Variants in ERC1 observed in about 807,000 individuals in gnomAD.
ERC1 encodes the protein ELKS/RAB6-interacting/CAST family member 1.
A neutral mutation model predicts 132.0 loss-of-function variants in ERC1; 56 were observed. The observed-to-expected ratio is 0.42, with a 90% CI of 0.34 to 0.53. The LOEUF is 0.53. Among genes scored for constraint, ERC1 ranks in the 20% least tolerant of loss-of-function variants. The pLI is 0.03. For missense variants in ERC1, 1,202 were observed against 1,349.9 expected, an observed-to-expected ratio of 0.89 and a Z score of 1.72; for synonymous variants, 478 against 476.1, an observed-to-expected ratio of 1.00 and a Z score of -0.05.
chr12:1,424,856 A>C (rs78495647), intron 17 of ERC1, among the ~76,000 whole-genome samples: 7,783 of 105,316 alleles, frequency 0.074, 224 homozygotes, highest in East Asian at 0.097. Context: ...ATAGATAGAT[A>C]GATAGATCGA....
intron 16 of ERC1, among the ~76,000 whole-genome samples, chr12:1,396,389 A>G (rs1220716242): frequency 6.6e-6 from 1 of 152,226 alleles, no homozygotes; most frequent in Non-Finnish European, 1.5e-5. Context: ...TGCACCAATC[A>G]TGGAAAATTG....
At chr12:1,074,071 C>A (rs1406823822) in intron 2 of ERC1, among the ~76,000 whole-genome samples, 1 of 151,804 alleles carries the variant, frequency 6.6e-6, no homozygotes, top group African/African-American at 2.4e-5. Flanking sequence ...ACCATGATGG[C>A]CAGGATGGTC....
At chr12:1,373,789 GAAGAAAAGA>G (rs756434244) in intron 16 of ERC1, among the ~76,000 whole-genome samples, 1 of 145,310 alleles carries the variant, frequency 6.9e-6, no homozygotes, top group Non-Finnish European at 1.5e-5. Flanking sequence ...AAAAGAAAAA[GAAGAAAAGA>G]AAGAAAAGAA....
intron 15 of ERC1, among the ~76,000 whole-genome samples, chr12:1,297,657 A>G (rs1206642163): frequency 6.6e-6 from 1 of 150,632 alleles, no homozygotes. Context: ...TAGTAAGCCA[A>G]GATCACACCA....
At chr12:991,500 G>C (rs1959223383) in intron 1 of ERC1, 178 bp downstream of exon 1, 1 of 152,102 alleles carries the variant, frequency 6.6e-6, no homozygotes, top group Admixed American at 6.6e-5. Flanking sequence ...GAGGCTTCGC[G>C]ACCCCCTCCC....
chr12:1,118,669 G>A (rs1366575766), intron 7 of ERC1, among the ~76,000 whole-genome samples: 1 of 152,200 alleles, frequency 6.6e-6, no homozygotes, highest in Non-Finnish European at 1.5e-5. Context: ...CACTTGACAA[G>A]AGTCACCTTT....
In ERC1 at chr12:1,492,631, C is replaced by A. The variant is rs2094327382; in HGVS notation, c.*2401C>A. 2 of 233,088 alleles carry A rather than the reference C, an allele frequency of 8.6e-6. No individual in the cohort carries two copies. Among genetic ancestry groups the A allele is most frequent in the African/African-American group, 4.4e-5 (2 of 45,354 alleles). 14.4% of individuals were successfully genotyped at this position (233,088 alleles called of 1,614,324 possible). ...GGATGGAAGGAAGCCCTCTGTGACA[C>A]TGCTTCTGAGAAGAAGCATTTCCGG... is the stretch of plus-strand genomic sequence containing the variant. On this transcript the variant is annotated 3_prime_UTR_variant, in exon 19 of 19. Coordinates refer to ENST00000360905, the MANE Select transcript of ERC1 (RefSeq NM_178040.4).
At chr12:1,192,262 A>C (rs1206362885) in intron 12 of ERC1, among the ~76,000 whole-genome samples, 1 of 152,222 alleles carries the variant, frequency 6.6e-6, no homozygotes, top group Non-Finnish European at 1.5e-5. Flanking sequence ...GGTAGATTTT[A>C]GTTTCACTTA....
At chr12:1,292,884 C>T (rs1298002255) in intron 15 of ERC1, among the ~76,000 whole-genome samples, 6 of 152,082 alleles carry the variant, frequency 3.9e-5, no homozygotes, top group Admixed American at 2.0e-4. Context: ...TGGTGGCTCA[C>T]GCCTGTAATC....
intron 15 of ERC1, among the ~76,000 whole-genome samples, chr12:1,297,019 C>T (rs1180122957): frequency 6.6e-6 from 1 of 151,214 alleles, no homozygotes; most frequent in Non-Finnish European, 1.5e-5. Context: ...AGGATAAATA[C>T]AAAAAATAAA....
At chr12:1,183,865 G>T (rs557645280) in intron 11 of ERC1, among the ~76,000 whole-genome samples, 4 of 152,128 alleles carry the variant, frequency 2.6e-5, no homozygotes, top group African/African-American at 9.6e-5. Context: ...AGAAAAAACG[G>T]TGGCTCATGC....
In ERC1 at chr12:1,027,782, C is replaced by G. The variant is rs951135969; in HGVS notation, c.-122C>G. Reference sequence around the variant, plus strand: ...AAGATACTTCTTCAAGATTGGACAGCTGGGGACCTTCTTCTGATTAACCTT... The same window carrying G: ...AAGATACTTCTTCAAGATTGGACAGGTGGGGACCTTCTTCTGATTAACCTT... On this transcript the variant is annotated 5_prime_UTR_variant, in exon 2 of 19. Transcript: ENST00000360905. 3 of 739,158 alleles carry G rather than the reference C, an allele frequency of 4.1e-6. No homozygotes were observed. Among genetic ancestry groups the G allele is most frequent in the East Asian group, 2.5e-5 (1 of 40,548 alleles). The allele number at this position is 739,158 out of a possible 1,614,324, so 45.8% of individuals were successfully genotyped here.
At chr12:1,422,242 T>C (rs1002256190) in intron 17 of ERC1, among the ~76,000 whole-genome samples, 1 of 152,170 alleles carries the variant, frequency 6.6e-6, no homozygotes, top group Non-Finnish European at 1.5e-5. Context: ...AGCAGGGGAG[T>C]GAGCTTGTGA....
intron 7 of ERC1, among the ~76,000 whole-genome samples, chr12:1,122,527 C>A (rs367651381): frequency 2.3e-5 from 2 of 88,406 alleles, no homozygotes; most frequent in South Asian, 3.1e-4. Flanking sequence ...GTCTCTATCT[C>A]TATCTCTATC....
At chr12:1,198,951 A>T (rs1283912593) in intron 12 of ERC1, among the ~76,000 whole-genome samples, 2 of 143,932 alleles carry the variant, frequency 1.4e-5, no homozygotes, top group East Asian at 4.0e-4. Flanking sequence ...GTTCAACATG[A>T]GATTTGGGTG....
intron 15 of ERC1, among the ~76,000 whole-genome samples, chr12:1,306,808 A>C (rs2154347939): frequency 6.6e-6 from 1 of 152,162 alleles, no homozygotes; most frequent in Non-Finnish European, 1.5e-5. Context: ...TCAGTGAGTT[A>C]ATTACTCATT....
chr12:1,285,773 C>T (rs2079001226), intron 14 of ERC1, among the ~76,000 whole-genome samples: 1 of 152,066 alleles, frequency 6.6e-6, no homozygotes, highest in Admixed American at 6.5e-5. Context: ...AGAGAGGGAA[C>T]AATCACTCAA....
chr12:1,128,683 G>T (rs1434941384), intron 7 of ERC1, among the ~76,000 whole-genome samples: 1 of 152,128 alleles, frequency 6.6e-6, no homozygotes, highest in East Asian at 1.9e-4. Flanking sequence ...AATTATCTAT[G>T]TAGTAACACT....
intron 16 of ERC1, among the ~76,000 whole-genome samples, chr12:1,373,883 A>C (rs1566707651): frequency 6.6e-6 from 1 of 152,252 alleles, no homozygotes; most frequent in Admixed American, 6.5e-5. Flanking sequence ...CTTTATATCA[A>C]ACCACATGCC....
Sources: allele counts gnomAD v4.1 joint callset (sites outside exome capture counted in the v4.1 genomes callset), GRCh38; gene constraint gnomAD v4.1.1; transcripts MANE v1.5; gene names NCBI Gene and HGNC (gene_info 2026-07-23, HGNC 2026-07-21).